Variants in EXOC4 observed in about 807,000 individuals in gnomAD.
The protein encoded by EXOC4 is SEC8-like 1.
In EXOC4, 71 loss-of-function variants were observed where a neutral mutation model predicts 107.2. The ratio of observed to expected loss-of-function variants is 0.66; its 90% CI spans 0.55 to 0.81. EXOC4 has a LOEUF of 0.81. Among genes scored for constraint, EXOC4 ranks in the 30% least tolerant of loss-of-function variants. The pLI is 0.00. For synonymous variants in EXOC4, 456 were observed against 441.2 expected (o/e 1.03, Z -0.42); for missense variants, 1,108 against 1,189.6 (o/e 0.93, Z 1.01).
chr7:133,264,429 T>C (rs1257927876), intron 1 of EXOC4, among the ~76,000 whole-genome samples: 1 of 152,196 alleles, frequency 6.6e-6, no homozygotes, highest in African/African-American at 2.4e-5. Flanking sequence ...CAGAAAACTT[T>C]TTCAGAGGGA....
intron 10 of EXOC4, among the ~76,000 whole-genome samples, chr7:133,648,809 C>T (rs936817142): frequency 3.9e-5 from 6 of 152,096 alleles, no homozygotes; most frequent in East Asian, 1.9e-4. Flanking sequence ...CTGAATATTT[C>T]GTTTGAGGGG....
intron 9 of EXOC4, among the ~76,000 whole-genome samples, chr7:133,596,974 A>G (rs1801689393): frequency 6.6e-6 from 1 of 152,154 alleles, no homozygotes; most frequent in Admixed American, 6.5e-5. Context: ...AGAGGAAGCA[A>G]TCAGGGAGGA....
At chr7:133,734,328 G>A (rs1446848940) in intron 10 of EXOC4, among the ~76,000 whole-genome samples, 2 of 152,140 alleles carry the variant, frequency 1.3e-5, no homozygotes, top group Non-Finnish European at 2.9e-5. Context: ...ACATTAAGCA[G>A]GGAGATGGTG....
rs1025921711 is a variant in EXOC4, at chr7:133,496,975, G to A, written c.1417+16837G>A. Reference sequence around the variant, plus strand: ...TAAAAGAGACAAAAAGCAGCAGAAGGTGCTCTTCTGTTAGCCTCAAAGTAG... The same window carrying A: ...TAAAAGAGACAAAAAGCAGCAGAAGATGCTCTTCTGTTAGCCTCAAAGTAG... On this transcript the variant is annotated intron_variant, in intron 9 of 17. Transcript: ENST00000253861. 3.9e-5 allele frequency among the ~76,000 whole-genome samples: 6 copies of A among 152,124 alleles called. No homozygotes were observed. The East Asian group carries it at 9.6e-4, about 24-fold the overall frequency.
At chr7:133,696,914 T>A (rs1562912270) in intron 10 of EXOC4, among the ~76,000 whole-genome samples, 1 of 152,232 alleles carries the variant, frequency 6.6e-6, no homozygotes, top group Non-Finnish European at 1.5e-5. Context: ...ATGGCTCAAT[T>A]AGTCAATCAT....
chr7:133,455,229 A>T (rs1798436266), intron 7 of EXOC4, among the ~76,000 whole-genome samples: 1 of 152,184 alleles, frequency 6.6e-6, no homozygotes, highest in African/African-American at 2.4e-5. Context: ...ATATTTGAGG[A>T]AGGGGTGAAG....
rs35334259 is a variant in EXOC4 at position 133,412,278 on chromosome 7, G to GTTTTTTTTTTTTTTTTTTTTTTTTT, written c.1182+37299_1182+37300insTTTTTTTTTTTTTTTTTTTTTTTTT. On this transcript the variant is annotated intron_variant, in intron 7 of 17. Coordinates refer to ENST00000253861, the MANE Select transcript of EXOC4 (RefSeq NM_021807.4). ...ATCTGGTCAATACTGTCAGAATTCA[G>GTTTTTTTTTTTTTTTTTTTTTTTTT]TTTTTTTTTTTTTTTTTTTTTTTGC... Among the ~76,000 whole-genome samples the GTTTTTTTTTTTTTTTTTTTTTTTTT allele has an allele frequency of 5.6e-5, 4 of 71,476 alleles. 1 individual carries two copies. Among genetic ancestry groups the GTTTTTTTTTTTTTTTTTTTTTTTTT allele is most frequent in the Non-Finnish European group, 7.3e-5 (3 of 41,022 alleles). The allele number at this position is 71,476 out of a possible 152,430, so 46.9% of individuals were successfully genotyped here. A position where few individuals can be genotyped will look rare whatever the true frequency, so the allele number is the denominator to read the frequency against.
chr7:133,368,131 G>C (rs190851129), intron 6 of EXOC4, among the ~76,000 whole-genome samples: 58 of 152,312 alleles, frequency 3.8e-4, no homozygotes, highest in African/African-American at 1.3e-3. Flanking sequence ...TGTTTACAAA[G>C]AACCATAAAA....
At chr7:134,060,059 A>G (rs1210147223) in intron 17 of EXOC4, among the ~76,000 whole-genome samples, 3 of 152,228 alleles carry the variant, frequency 2.0e-5, no homozygotes, top group Admixed American at 2.0e-4. Flanking sequence ...GTCTGTTGAT[A>G]AAGCAAACAT....
chr7:133,460,633 C>T (rs892461155), intron 7 of EXOC4, among the ~76,000 whole-genome samples: 3 of 151,676 alleles, frequency 2.0e-5, no homozygotes, highest in African/African-American at 7.3e-5. Flanking sequence ...TTTGTTTAAC[C>T]AAGCTGTCGA....
chr7:133,691,401 A>G (rs1245098671), intron 10 of EXOC4, among the ~76,000 whole-genome samples: 2 of 152,198 alleles, frequency 1.3e-5, no homozygotes, highest in Admixed American at 6.5e-5. Context: ...TGGGAATGGG[A>G]TAGCTTCTAG....
At chr7:133,263,183 A>G (rs1188686004) in intron 1 of EXOC4, among the ~76,000 whole-genome samples, 1 of 152,146 alleles carries the variant, frequency 6.6e-6, no homozygotes, top group African/African-American at 2.4e-5. Flanking sequence ...CTTTATTGGC[A>G]TCTTGAGAAC....
At chr7:134,078,467 C>T in the EXOC4 span, among the ~76,000 whole-genome samples, 1 of 152,120 alleles carries the variant, frequency 6.6e-6, no homozygotes, top group African/African-American at 2.4e-5. Flanking sequence ...GGACCAGCCC[C>T]TTTTTCCTTA....
intron 10 of EXOC4, among the ~76,000 whole-genome samples, chr7:133,755,728 C>T (rs538509598): frequency 1.4e-4 from 22 of 152,252 alleles, no homozygotes; most frequent in Admixed American, 7.2e-4. Flanking sequence ...AGGTTCTGTG[C>T]GCATAGGTAT....
chr7:133,730,712 A>G (rs1795308816), intron 10 of EXOC4, among the ~76,000 whole-genome samples: 1 of 152,206 alleles, frequency 6.6e-6, no homozygotes, highest in African/African-American at 2.4e-5. Context: ...TGGAGCTTAC[A>G]ATCCAAAGCA....
At chr7:133,896,844 T>TTTTTTTTTTTTTTTTTTTTTTGAGACGG (rs1198817578) in intron 12 of EXOC4, among the ~76,000 whole-genome samples, 2 of 87,832 alleles carry the variant, frequency 2.3e-5, no homozygotes, top group African/African-American at 2.3e-4. Flanking sequence ...TTTGTATTTT[T>TTTTTTTTTTTTTTTTTTTTTTGAGACGG]AGTAGAGATG....
chr7:133,898,024 C>G (rs2116534674), intron 12 of EXOC4, among the ~76,000 whole-genome samples: 1 of 149,408 alleles, frequency 6.7e-6, no homozygotes, highest in Non-Finnish European at 1.5e-5. Flanking sequence ...AATCCCCCAG[C>G]CCCCAGCCTC....
chr7:133,879,122 G>T (rs1798910637), intron 11 of EXOC4, among the ~76,000 whole-genome samples: 1 of 151,776 alleles, frequency 6.6e-6, no homozygotes, highest in African/African-American at 2.4e-5. Flanking sequence ...TTATTTTTTT[G>T]AGACAGAGTG....
downstream of EXOC4, chr7:134,066,047 A>C (rs905450311): frequency 3.9e-5 from 6 of 152,226 alleles, no homozygotes; most frequent in African/African-American, 1.4e-4. Flanking sequence ...GTCTGGCTCC[A>C]AGGGCCTGAC....
Sources: gnomAD v4.1 joint callset for allele counts (sites outside exome capture counted in the v4.1 genomes callset) on GRCh38, gnomAD v4.1.1 for gene constraint, MANE v1.5 for transcripts, NCBI Gene and HGNC (gene_info 2026-07-23, HGNC 2026-07-21) for gene names.